The following PPP1R1C variants were observed in gnomAD, a reference collection of about 807,000 sequenced individuals.
PPP1R1C encodes protein phosphatase 1 regulatory subunit 1C.
Under a neutral mutation model 17.4 loss-of-function variants are expected in PPP1R1C, and 15 were observed. The observed-to-expected ratio is 0.86, with a 90% confidence interval of 0.58 to 1.33. PPP1R1C has a LOEUF of 1.33. PPP1R1C is among the 40% of genes most tolerant of loss of function. PPP1R1C has a pLI of 0.00. For synonymous variants in PPP1R1C, 35 were observed against 43.1 expected (o/e 0.81, Z 0.73); for missense variants, 143 against 130.0 (o/e 1.10, Z -0.48).
At chr2:182,100,499 A>G (rs1417884927) in intron 4 of PPP1R1C, among the ~76,000 whole-genome samples, 1 of 149,902 alleles carries the variant, frequency 6.7e-6, no homozygotes, top group Non-Finnish European at 1.5e-5. Context: ...ACAGAGCGAG[A>G]TTCCATCTCG....
At chr2:182,030,479 A>T (rs373731624) in intron 2 of PPP1R1C, among the ~76,000 whole-genome samples, 2 of 150,214 alleles carry the variant, frequency 1.3e-5, no homozygotes, top group Admixed American at 6.6e-5. Flanking sequence ...GCCGTGTGAG[A>T]TGTCAGTGTG....
chr2:181,985,511 T>C (rs1407292469), upstream of PPP1R1C, among the ~76,000 whole-genome samples: 1 of 152,236 alleles, frequency 6.6e-6, no homozygotes, highest in East Asian at 1.9e-4. This position sits in a 1 kb window ranked among gnomAD's most constrained non-coding sequence, Gnocchi z 4.1. Flanking sequence ...TTATTGGTTG[T>C]GGCTTACCCT....
chr2:182,114,226 C>T (rs1430137977), intron 4 of PPP1R1C, among the ~76,000 whole-genome samples: 2 of 152,160 alleles, frequency 1.3e-5, no homozygotes, highest in African/African-American at 4.8e-5. Context: ...GCACTTGCTC[C>T]TGAGGCTGAT....
At chr2:182,107,558 T>C (rs944611681) in intron 4 of PPP1R1C, among the ~76,000 whole-genome samples, 2 of 152,194 alleles carry the variant, frequency 1.3e-5, no homozygotes, top group African/African-American at 4.8e-5. Context: ...AGTGTTGGCC[T>C]ACTCCTCACC....
intron 4 of PPP1R1C, among the ~76,000 whole-genome samples, chr2:182,079,353 C>T (rs531120234): frequency 1.6e-4 from 25 of 152,268 alleles, no homozygotes; most frequent in African/African-American, 5.5e-4. Flanking sequence ...TAATGTCTTA[C>T]GTATTCTGAA....
rs980611842 is a variant in PPP1R1C at position 181,962,651 on chromosome 2, C to T, written n.111+8017C>T. Reference sequence around the variant, plus strand: ...AAATTAAAGACTTTATTTGAATAATCTGGGTCCCACCCTCTAGCCTCAATA... The same window carrying T: ...AAATTAAAGACTTTATTTGAATAATTTGGGTCCCACCCTCTAGCCTCAATA... On this transcript the variant is annotated intron_variant and non_coding_transcript_variant, in intron 1 of 5. Transcript: ENST00000464264. The surrounding 1 kb of genome is among the most constrained non-coding windows in gnomAD (Gnocchi z 6.0). 2.0e-5 allele frequency among the ~76,000 whole-genome samples: 3 copies of T among 152,230 alleles called. No individual in the cohort carries two copies. Among genetic ancestry groups the T allele is most frequent in the African/African-American group, 7.2e-5 (3 of 41,460 alleles).
At chr2:182,052,559 G>GT (rs1687556864) in intron 2 of PPP1R1C, among the ~76,000 whole-genome samples, 1 of 152,224 alleles carries the variant, frequency 6.6e-6, no homozygotes, top group South Asian at 2.1e-4. Flanking sequence ...TAACTAACTG[G>GT]TTTAGGATTG....
chr2:182,120,064 A>G (rs1689694814), downstream of PPP1R1C, among the ~76,000 whole-genome samples: 1 of 152,072 alleles, frequency 6.6e-6, no homozygotes, highest in Non-Finnish European at 1.5e-5. Context: ...TCTTTAATCC[A>G]TCTCGAATTA....
At chr2:182,062,334 T>A (rs1432516398) in intron 3 of PPP1R1C, among the ~76,000 whole-genome samples, 1 of 152,116 alleles carries the variant, frequency 6.6e-6, no homozygotes, top group African/African-American at 2.4e-5. Context: ...AAGTTTACAC[T>A]GTGTTACTAA....
intron 4 of PPP1R1C, among the ~76,000 whole-genome samples, chr2:182,068,142 A>T (rs147856011): frequency 1.3e-3 from 198 of 152,196 alleles, no homozygotes; most frequent in Non-Finnish European, 2.1e-3. Context: ...CAAAAAAGTG[A>T]TTTCATCCTA....
At chr2:182,105,185 C>T (rs1404371047) in intron 4 of PPP1R1C, among the ~76,000 whole-genome samples, 1 of 152,082 alleles carries the variant, frequency 6.6e-6, no homozygotes, top group Non-Finnish European at 1.5e-5. Flanking sequence ...TTAATGATTG[C>T]TTTGCTTTAC....
intron 4 of PPP1R1C, among the ~76,000 whole-genome samples, chr2:182,100,945 T>C (rs16822577): frequency 0.014 from 2,109 of 152,220 alleles, 19 homozygotes; most frequent in East Asian, 0.048. Flanking sequence ...TGTTTTCCCA[T>C]GTTTGGTGGT....
intron 4 of PPP1R1C, among the ~76,000 whole-genome samples, chr2:182,089,610 G>C (rs957207540): frequency 5.9e-5 from 9 of 152,058 alleles, no homozygotes; most frequent in African/African-American, 2.2e-4. Context: ...AGCAGGTATA[G>C]ATATTTCCAT....
chr2:182,028,667 G>C (rs1483879428), intron 2 of PPP1R1C, among the ~76,000 whole-genome samples: 1 of 151,370 alleles, frequency 6.6e-6, no homozygotes, highest in African/African-American at 2.4e-5. Context: ...GTGGTGTGGT[G>C]CTGAAAAAAG....
chr2:182,061,572 A>C lies in PPP1R1C; in HGVS notation c.180+93A>C, dbSNP rs144319441. 4,320 of 655,294 alleles carry C rather than the reference A, an allele frequency of 6.6e-3. 22 individuals are homozygous for C. Among genetic ancestry groups the C allele is most frequent in the Middle Eastern group, 0.012 (27 of 2,268 alleles). 40.6% of individuals were successfully genotyped at this position (655,294 alleles called of 1,614,324 possible). On this transcript the variant is annotated intron_variant, in intron 3 of 4. Coordinates refer to ENST00000682840, the MANE Select transcript of PPP1R1C (RefSeq NM_001080545.3). ...TTGATGTGATATAAATAATGATACA[A>C]CTGTAATAAAACTTTAGATTGCTCC...
At chr2:182,048,261 T>C (rs1687402383) in intron 2 of PPP1R1C, among the ~76,000 whole-genome samples, 1 of 152,106 alleles carries the variant, frequency 6.6e-6, no homozygotes, top group African/African-American at 2.4e-5. Context: ...CTCTAAGAAC[T>C]CAAAGAAAAA....
At chr2:182,097,873 G>T (rs1441997828) in intron 4 of PPP1R1C, among the ~76,000 whole-genome samples, 3 of 152,070 alleles carry the variant, frequency 2.0e-5, no homozygotes, top group Non-Finnish European at 4.4e-5. Flanking sequence ...TGAAGAGAGG[G>T]TTTCATATCA....
intron 2 of PPP1R1C, among the ~76,000 whole-genome samples, chr2:182,021,873 C>T (rs1279781586): frequency 6.6e-6 from 1 of 152,190 alleles, no homozygotes; most frequent in African/African-American, 2.4e-5. Context: ...ACACTTTAGA[C>T]ATTAGAGCTA....
chr2:182,089,093 G>A (rs1688710491), intron 4 of PPP1R1C, among the ~76,000 whole-genome samples: 1 of 152,126 alleles, frequency 6.6e-6, no homozygotes, highest in Admixed American at 6.5e-5. Flanking sequence ...TCTTGGTTTT[G>A]TAAACTGAAT....
Sources: allele counts gnomAD v4.1 joint callset (sites outside exome capture counted in the v4.1 genomes callset), GRCh38; gene constraint gnomAD v4.1.1; non-coding constraint Gnocchi (gnomAD v3.1); transcripts MANE v1.5; gene names NCBI Gene and HGNC (gene_info 2026-07-23, HGNC 2026-07-21).